TCF4: variants seen among roughly 807,000 people sequenced by gnomAD.
The protein encoded by TCF4 is SL3-3 enhancer factor 2.
TCF4 carries 3 observed loss-of-function variants against 82.1 expected under a neutral mutation model. The ratio of observed to expected loss-of-function variants is 0.04; its 90% CI spans 0.02 to 0.09. The LOEUF is 0.09. Among genes scored for constraint, TCF4 ranks in the 10% least tolerant of loss-of-function variants. TCF4 has a pLI of 1.00. For missense variants in TCF4, 518 were observed against 852.7 expected (o/e 0.61, Z 4.89); for synonymous variants, 276 against 309.6 (o/e 0.89, Z 1.14).
intron 3 of TCF4, among the ~76,000 whole-genome samples, chr18:55,475,689 C>T (rs1164000860): frequency 2.6e-5 from 4 of 152,204 alleles, no homozygotes; most frequent in Admixed American, 6.5e-5. Flanking sequence ...CATATCTTCA[C>T]GTCTCTGATC....
chr18:55,474,651 C>T (rs1465889602), intron 3 of TCF4, among the ~76,000 whole-genome samples: 1 of 152,186 alleles, frequency 6.6e-6, no homozygotes, highest in Non-Finnish European at 1.5e-5. Flanking sequence ...ACACAGATAT[C>T]CTAACCCCAC....
At chr18:55,425,458 A>T (rs1421026472) in intron 5 of TCF4, among the ~76,000 whole-genome samples, 1 of 150,518 alleles carries the variant, frequency 6.6e-6, no homozygotes. Context: ...TCCCCAATGG[A>T]TCCTATAATT....
chr18:55,617,857 T>A (rs2097713782), intron 2 of TCF4, among the ~76,000 whole-genome samples: 1 of 140,888 alleles, frequency 7.1e-6, no homozygotes, highest in African/African-American at 2.7e-5. Flanking sequence ...GTGTAGTCTT[T>A]AGAGTTTTCT....
intron 15 of TCF4, among the ~76,000 whole-genome samples, chr18:55,252,358 T>TTGTG (rs3831430): frequency 1.6e-3 from 236 of 149,900 alleles, no homozygotes; most frequent in Middle Eastern, 0.01. Flanking sequence ...TTTATTGCTT[T>TTGTG]TGTGTGTGTG....
chr18:55,505,296 T>C (rs2096741822), intron 3 of TCF4, among the ~76,000 whole-genome samples: 1 of 152,222 alleles, frequency 6.6e-6, no homozygotes, highest in Admixed American at 6.5e-5. Flanking sequence ...TGTCATATGC[T>C]GGATAGCTAA....
intron 3 of TCF4, among the ~76,000 whole-genome samples, chr18:55,489,003 T>G (rs1184016783): frequency 6.6e-6 from 1 of 152,140 alleles, no homozygotes; most frequent in African/African-American, 2.4e-5. Context: ...TTCTCTAAAG[T>G]TCATACAAAT....
chr18:55,365,191 A>ATATATGTG (rs1361444592), intron 6 of TCF4, among the ~76,000 whole-genome samples: 125 of 97,908 alleles, frequency 1.3e-3, no homozygotes, highest in Non-Finnish European at 1.6e-3. Flanking sequence ...ATATATATAT[A>ATATATGTG]TGTGTGTGTG....
intron 1 of TCF4, chr18:55,635,580 T>A (rs748474475): frequency 2.1e-5 from 26 of 1,238,402 alleles, no homozygotes; most frequent in Non-Finnish European, 2.4e-5. Context: ...GCTGTGGAGA[T>A]GTCAGGGAGA....
At chr18:55,331,497 G>A (rs1196945300) in intron 8 of TCF4, among the ~76,000 whole-genome samples, 1 of 152,158 alleles carries the variant, frequency 6.6e-6, no homozygotes, top group Non-Finnish European at 1.5e-5. Context: ...ATCACACTTT[G>A]CTCATTGAGT....
intron 3 of TCF4, among the ~76,000 whole-genome samples, chr18:55,540,886 T>C (rs534178589): frequency 1.3e-5 from 2 of 152,090 alleles, no homozygotes; most frequent in Non-Finnish European, 2.9e-5. Context: ...AGGATAGTCC[T>C]ATATTTATTT....
At chr18:55,628,640 TATAAAATAA>T (rs1467094051) in intron 2 of TCF4, among the ~76,000 whole-genome samples, 1 of 152,222 alleles carries the variant, frequency 6.6e-6, no homozygotes, top group African/African-American at 2.4e-5. Flanking sequence ...CATGATGTTA[TATAAAATAA>T]GTATGATCAT....
chr18:55,505,781 G>A (rs2096751333), intron 3 of TCF4, among the ~76,000 whole-genome samples: 1 of 143,654 alleles, frequency 7.0e-6, no homozygotes, highest in African/African-American at 2.6e-5. Context: ...TCCAGCCTGG[G>A]CCACAGAGCG....
At chr18:55,344,568 TCAA>T (rs1378664714) in intron 8 of TCF4, among the ~76,000 whole-genome samples, 2 of 152,326 alleles carry the variant, frequency 1.3e-5, no homozygotes, top group African/African-American at 4.8e-5. Context: ...TTCTCTTTTC[TCAA>T]CAAGTCCAGT....
chr18:55,377,630 C>T (rs1390275325), intron 6 of TCF4, among the ~76,000 whole-genome samples: 1 of 152,232 alleles, frequency 6.6e-6, no homozygotes, highest in East Asian at 1.9e-4. Context: ...ATTAACCTGG[C>T]TATTTCAAAA....
chr18:55,634,272 AAAAAAC>A (rs949147259), intron 1 of TCF4, among the ~76,000 whole-genome samples: 13 of 152,192 alleles, frequency 8.5e-5, no homozygotes, highest in Non-Finnish European at 1.3e-4. Context: ...TCCGTCTCAA[AAAAAAC>A]AAAAACAAAA....
intron 8 of TCF4, among the ~76,000 whole-genome samples, chr18:55,289,797 T>C (rs115172050): frequency 0.023 from 3,521 of 152,276 alleles, 145 homozygotes; most frequent in African/African-American, 0.08. Context: ...ATGTTGATTG[T>C]TATTTCTTCT....
At chr18:55,489,404 C>G (rs1049519013) in intron 3 of TCF4, among the ~76,000 whole-genome samples, 3 of 152,010 alleles carry the variant, frequency 2.0e-5, no homozygotes, top group Non-Finnish European at 4.4e-5. Context: ...ACAAGTGCCA[C>G]GAGCTGCAGT....
At chr18:55,232,446 C>G in intron 17 of TCF4, 63 bp downstream of exon 17, 1 of 1,590,510 alleles carries the variant, frequency 6.3e-7, no homozygotes, top group Non-Finnish European at 8.6e-7. Context: ...TCTTCCCGTT[C>G]TGTTCACTTC....
intron 8 of TCF4, among the ~76,000 whole-genome samples, chr18:55,337,728 C>T (rs756702659): frequency 6.6e-6 from 1 of 152,072 alleles, no homozygotes; most frequent in Non-Finnish European, 1.5e-5. Context: ...GGGAGTATCC[C>T]TTCAAGTGCA....
Sources: gnomAD v4.1 joint callset for allele counts (sites outside exome capture counted in the v4.1 genomes callset) on GRCh38, gnomAD v4.1.1 for gene constraint, MANE v1.5 for transcripts, NCBI Gene and HGNC (gene_info 2026-07-23, HGNC 2026-07-21) for gene names.